SRGAP2: variants seen among roughly 807,000 people sequenced by gnomAD.
SRGAP2 encodes the protein SLIT-ROBO Rho GTPase-activating protein 2.
Under a neutral mutation model 57.2 loss-of-function variants are expected in SRGAP2, and 15 were observed. That is an observed-to-expected ratio of 0.26 (90% CI 0.18 to 0.40). The LOEUF (loss-of-function observed/expected upper bound fraction) is 0.40, where lower values mean the gene tolerates loss of function less well. Among genes scored for constraint, SRGAP2 ranks in the 10% least tolerant of loss-of-function variants. The probability of loss-of-function intolerance (pLI) is 1.00; values close to 1 mark genes in which losing one functional copy is unlikely to be tolerated. For synonymous variants in SRGAP2, 249 were observed against 248.0 expected (o/e 1.00, Z -0.04); for missense variants, 520 against 669.6 (o/e 0.78, Z 2.47).
Position 206,221,334 on chromosome 1 carries a change from T to G in SRGAP2, c.67+15297T>G, listed in dbSNP as rs548748393. Among the ~76,000 whole-genome samples, 26 of 151,482 alleles carry G rather than the reference T, an allele frequency of 1.7e-4. No individual in the cohort carries two copies. In the East Asian group the frequency reaches 4.9e-3, roughly 28 times the overall value. The stretch of plus-strand genomic sequence containing the variant: ...CTGCAGTCTATTAGAAATGTCTTAG[T>G]CCGTTTTCTGTTGATTATAACACAA... On this transcript the variant is annotated intron_variant, in intron 2 of 22. Transcript: ENST00000573034.
At chr1:206,455,833 TGTCTAGAGGGATTCTAC>T (rs1474163930) in intron 21 of SRGAP2, 1 of 152,282 alleles carries the variant, frequency 6.6e-6, no homozygotes, top group East Asian at 1.9e-4. Flanking sequence ...CCGATCTGGC[TGTCTAGAGGGATTCTAC>T]GCCTGCGTGC....
At chr1:206,321,946 A>G (rs1420683319) in intron 3 of SRGAP2, among the ~76,000 whole-genome samples, 3 of 152,118 alleles carry the variant, frequency 2.0e-5, no homozygotes, top group Admixed American at 2.0e-4. Context: ...GAAACCATGG[A>G]TGCTAAATAT....
At chr1:206,328,063 T>G in intron 3 of SRGAP2, among the ~76,000 whole-genome samples, 1 of 135,818 alleles carries the variant, frequency 7.4e-6, no homozygotes, top group Non-Finnish European at 1.5e-5. Context: ...CGGTGTTTGG[T>G]TTTTTGTTCT....
chr1:206,360,629 G>A (rs1427133413), intron 4 of SRGAP2, among the ~76,000 whole-genome samples: 1 of 152,220 alleles, frequency 6.6e-6, no homozygotes, highest in African/African-American at 2.4e-5. Context: ...AATAGGATTT[G>A]CTGCTTGATT....
chr1:206,446,704 G>A (rs1662786432), intron 18 of SRGAP2, among the ~76,000 whole-genome samples: 2 of 152,130 alleles, frequency 1.3e-5, no homozygotes, highest in Non-Finnish European at 1.5e-5. Flanking sequence ...CCTTCCTTTT[G>A]GGAAGAGTTT....
At chr1:206,439,907 G>A in intron 16 of SRGAP2, 69 bp from the exon 17 acceptor site, 2 of 747,332 alleles carry the variant, frequency 2.7e-6, no homozygotes, top group Non-Finnish European at 5.0e-6. Flanking sequence ...TGGTAGTAGG[G>A]ACTTCTGATC....
At chr1:206,253,835 C>T (rs1180098055) in intron 2 of SRGAP2, among the ~76,000 whole-genome samples, 2 of 150,436 alleles carry the variant, frequency 1.3e-5, no homozygotes, top group African/African-American at 4.9e-5. Flanking sequence ...TTAAATTATG[C>T]AGTCTGTGGC....
intron 3 of SRGAP2, among the ~76,000 whole-genome samples, chr1:206,331,937 C>T (rs199756210): frequency 1.8e-5 from 1 of 54,892 alleles, no homozygotes; most frequent in Admixed American, 2.0e-4. Flanking sequence ...GATTTTGCAG[C>T]GGCTGGTACC....
At chr1:206,279,525 C>A (rs1670606135) in intron 2 of SRGAP2, among the ~76,000 whole-genome samples, 1 of 114,456 alleles carries the variant, frequency 8.7e-6, no homozygotes. Flanking sequence ...AGGCAATCCT[C>A]CCACCTCAGC....
rs782541383 is a variant in SRGAP2, at chr1:206,392,675, G to T, written c.487-14G>T. 21 of 749,622 alleles carry T rather than the reference G, an allele frequency of 2.8e-5. No individual in the cohort carries two copies. The highest frequency in any genetic ancestry group is 2.6e-4 in the South Asian group (18 of 70,070). The allele number at this position is 749,622 out of a possible 1,614,324, so 46.4% of individuals were successfully genotyped here. On this transcript the variant is annotated splice_polypyrimidine_tract_variant and intron_variant, in intron 5 of 22. Coordinates refer to ENST00000573034, the MANE Select transcript of SRGAP2 (RefSeq NM_015326.5). ...GCTTGACCTCTGGGGGTGGGGGTGG[G>T]CGATGTCTTGCAGGTGATGAAGACA...
chr1:206,374,093 C>G (rs3118996), intron 4 of SRGAP2, among the ~76,000 whole-genome samples: 2 of 130,626 alleles, frequency 1.5e-5, no homozygotes, highest in African/African-American at 5.9e-5. Context: ...GGTGGGATTT[C>G]GGCTCACTGC....
At chr1:206,413,011 C>T (rs1369634109) in intron 10 of SRGAP2, among the ~76,000 whole-genome samples, 2 of 152,160 alleles carry the variant, frequency 1.3e-5, no homozygotes, top group Admixed American at 1.3e-4. Context: ...AGAGGTAATC[C>T]ATCATACATC....
At position 206,462,230 on chromosome 1, in the gene SRGAP2, C is replaced by T. The variant is rs1045068456; in HGVS notation, c.*810C>T. 18 of 152,702 alleles carry T rather than the reference C, an allele frequency of 1.2e-4. No homozygotes were observed. The highest frequency in any genetic ancestry group is 3.4e-4 in the African/African-American group (14 of 41,536). 9.5% of individuals were successfully genotyped at this position (152,702 alleles called of 1,614,324 possible). On this transcript the variant is annotated 3_prime_UTR_variant, in exon 23 of 23. Transcript: ENST00000573034. ...CCTCCATCCCCTAGAAGTACACCCC[C>T]GTCTTATTAAGGAGCTTTTAAAGTT...
At chr1:206,274,686 C>T (rs1670313228) in intron 2 of SRGAP2, among the ~76,000 whole-genome samples, 1 of 151,074 alleles carries the variant, frequency 6.6e-6, no homozygotes, top group African/African-American at 2.4e-5. Flanking sequence ...TGGTGAACAA[C>T]CTCTCTTGTG....
rs1663653658 is a variant in SRGAP2 at position 206,454,604 on chromosome 1, T to G, written c.2361-274T>G. On this transcript the variant is annotated intron_variant, in intron 20 of 22. Coordinates refer to ENST00000573034, the MANE Select transcript of SRGAP2 (RefSeq NM_015326.5). This position sits in a 1 kb window ranked among gnomAD's most constrained non-coding sequence, Gnocchi z 4.3. The stretch of plus-strand genomic sequence containing the variant: ...GAAGCAGCATGGGGTAGAAGGCAGA[T>G]GCCTCGAATCCAGGTGTCCCCTAGC... 2.2e-6 allele frequency: 1 copy of G among 454,140 alleles called. No homozygotes were observed. Among genetic ancestry groups the G allele is most frequent in the South Asian group, 3.2e-5 (1 of 30,904 alleles). 28.1% of individuals were successfully genotyped at this position (454,140 alleles called of 1,614,324 possible).
chr1:206,255,661 C>CAGTT (rs1669139811), intron 2 of SRGAP2, among the ~76,000 whole-genome samples: 4 of 98,362 alleles, frequency 4.1e-5, no homozygotes, highest in South Asian at 9.2e-4. Context: ...GTCATCCTCA[C>CAGTT]AGTTGTCTGT....
At chr1:206,210,383 G>T (rs1404376182) in intron 2 of SRGAP2, among the ~76,000 whole-genome samples, 1 of 131,778 alleles carries the variant, frequency 7.6e-6, no homozygotes, top group African/African-American at 2.9e-5. Flanking sequence ...TTTCTTTCTC[G>T]AGAACATTAG....
At chr1:206,444,062 C>T (rs986007915) in intron 17 of SRGAP2, among the ~76,000 whole-genome samples, 3 of 151,980 alleles carry the variant, frequency 2.0e-5, no homozygotes, top group Non-Finnish European at 4.4e-5. Context: ...TGGTGGTGCA[C>T]GCCTGTGGTC....
chr1:206,241,911 C>CGTGTGT (rs781785493), intron 2 of SRGAP2, among the ~76,000 whole-genome samples: 1,700 of 104,428 alleles, frequency 0.016, 51 homozygotes, highest in Admixed American at 0.071. Context: ...GAGGTGTTTG[C>CGTGTGT]GTGTGTGTGT....
Sources: gnomAD v4.1 joint callset for allele counts (sites outside exome capture counted in the v4.1 genomes callset) on GRCh38, gnomAD v4.1.1 for gene constraint, Gnocchi (gnomAD v3.1) non-coding constraint, MANE v1.5 for transcripts, NCBI Gene and HGNC (gene_info 2026-07-23, HGNC 2026-07-21) for gene names.